Variants in DICER1 observed in about 807,000 individuals in gnomAD.
DICER1 encodes endoribonuclease Dicer.
Under a neutral mutation model 194.1 loss-of-function variants are expected in DICER1, and 43 were observed. That is an observed-to-expected ratio of 0.22 (90% CI 0.17 to 0.29). The LOEUF (loss-of-function observed/expected upper bound fraction) is 0.29. Ranked by LOEUF, DICER1 falls within the 10% of genes least tolerant of loss-of-function variation. The pLI is 1.00. For synonymous variants in DICER1, 832 were observed against 820.5 expected (o/e 1.01, Z -0.24); for missense variants, 1,608 against 2,317.0 (o/e 0.69, Z 6.28).
At chr14:95,132,982 G>A (rs1185701989) in intron 2 of DICER1, among the ~76,000 whole-genome samples, 2 of 151,952 alleles carry the variant, frequency 1.3e-5, no homozygotes, top group Non-Finnish European at 2.9e-5. Context: ...TAGAGTAATC[G>A]TGGTTCTGCC....
chr14:95,090,583 C>T lies in DICER1; in HGVS notation c.5684G>A (p.Arg1895Gln), dbSNP rs1889703495. Residue 1895 changes from arginine to glutamine, a missense_variant, in exon 27 of 27, where the codon CGA becomes CAA. Physicochemically the swap from Arg to Gln is conservative, Grantham distance 43 (BLOSUM62 1). This residue lies in a region of DICER1 where 138 missense variants were observed against 298.3 expected (regional missense o/e 0.46). Transcript: ENST00000343455. ...TGCAGATTTGGCAATCCTGTAACTTCGACCAACACCTTTAAATTTCCCCTT... is the reference window on the plus strand; with the variant it reads ...TGCAGATTTGGCAATCCTGTAACTTTGACCAACACCTTTAAATTTCCCCTT... ...VGKGKFKGVGRSYRIAKSAAA... is the reference protein window; with the variant it reads ...VGKGKFKGVGQSYRIAKSAAA... 1.2e-6 allele frequency: 2 copies of T among 1,614,184 alleles called. No individual in the cohort carries two copies. Among genetic ancestry groups the T allele is most frequent in the Non-Finnish European group, 8.5e-7 (1 of 1,180,034 alleles).
chr14:95,105,825 G>A lies in DICER1; in HGVS notation c.2988-42C>T, dbSNP rs745799073. ...ACAATTTTATCAAACACACAAAAAT[G>A]AGTACATATTCACAGTGGTTCTCCA... On this transcript the variant is annotated intron_variant, in intron 18 of 26. Transcript: ENST00000343455. This position sits in a 1 kb window ranked among gnomAD's most constrained non-coding sequence, Gnocchi z 4.9. 9 of 1,548,130 alleles carry A rather than the reference G, an allele frequency of 5.8e-6. No homozygotes were observed. Among genetic ancestry groups the A allele is most frequent in the African/African-American group, 2.7e-5 (2 of 73,188 alleles).
intron 21 of DICER1, among the ~76,000 whole-genome samples, chr14:95,102,768 G>A (rs917719462): frequency 1.2e-4 from 18 of 152,004 alleles, no homozygotes; most frequent in East Asian, 3.9e-4. Context: ...TTAAGAGCCC[G>A]CCCTTTCTCT....
intron 21 of DICER1, 78 bp downstream of exon 21, chr14:95,103,268 T>C: frequency 6.9e-7 from 1 of 1,445,590 alleles, no homozygotes; most frequent in African/African-American, 1.4e-5. Flanking sequence ...TCTCATCCTC[T>C]GAGATTATCC....
chr14:95,139,561 G>A (rs530758510), intron 1 of DICER1, among the ~76,000 whole-genome samples: 12 of 152,254 alleles, frequency 7.9e-5, no homozygotes, highest in African/African-American at 2.9e-4. Context: ...AGCTCCATAA[G>A]AACAAGACAT....
rs1893265087 is a variant in DICER1, at chr14:95,124,781, C to T, written c.904-113G>A. 2 of 911,440 alleles carry T rather than the reference C, an allele frequency of 2.2e-6. No individual in the cohort carries two copies. The highest frequency in any genetic ancestry group is 3.4e-6 in the Non-Finnish European group (2 of 582,258). 56.5% of individuals were successfully genotyped at this position (911,440 alleles called of 1,614,324 possible). A position where few individuals can be genotyped will look rare whatever the true frequency, so the allele number is the denominator to read the frequency against. ...CTCAAATGGCTCCTTAAATGTAACC[C>T]AGCCTTAGGTTAAGTCCCTGAAGGT... On this transcript the variant is annotated intron_variant, in intron 7 of 26. Coordinates refer to ENST00000343455, the MANE Select transcript of DICER1 (RefSeq NM_177438.3). The surrounding 1 kb of genome is among the most constrained non-coding windows in gnomAD (Gnocchi z 4.5).
intron 1 of DICER1, chr14:95,141,825 T>C (rs1362513386): frequency 6.6e-6 from 1 of 152,250 alleles, no homozygotes; most frequent in Non-Finnish European, 1.5e-5. Flanking sequence ...TTCTACTTTT[T>C]AAGATCCCTC....
In DICER1 at chr14:95,105,837, A is replaced by C; in HGVS notation, c.2988-54T>G. The C allele has an allele frequency of 6.6e-7, 1 of 1,525,628 alleles. No homozygotes were observed. Among genetic ancestry groups the C allele is most frequent in the Non-Finnish European group, 9.1e-7 (1 of 1,100,558 alleles). 94.5% of individuals were successfully genotyped at this position (1,525,628 alleles called of 1,614,324 possible). A position where few individuals can be genotyped will look rare whatever the true frequency, so the allele number is the denominator to read the frequency against. On this transcript the variant is annotated intron_variant, in intron 18 of 26. Coordinates refer to ENST00000343455, the MANE Select transcript of DICER1 (RefSeq NM_177438.3). This position sits in a 1 kb window ranked among gnomAD's most constrained non-coding sequence, Gnocchi z 4.9. ...AACACACAAAAATGAGTACATATTC[A>C]CAGTGGTTCTCCAAAAACCACCTGA... is the stretch of plus-strand genomic sequence containing the variant.
At position 95,094,180 on chromosome 14, in the gene DICER1, G is replaced by A. The variant is rs147293630; in HGVS notation, c.5096-24C>T. ...ATCTGAGGGGATCCGAAGTGGAACCGTAAGCTTGTGCAGAAGCATTTACAC... is the reference window on the plus strand; with the variant it reads ...ATCTGAGGGGATCCGAAGTGGAACCATAAGCTTGTGCAGAAGCATTTACAC... On this transcript the variant is annotated intron_variant, in intron 23 of 26. Coordinates refer to ENST00000343455, the MANE Select transcript of DICER1 (RefSeq NM_177438.3). 273 of 1,613,606 alleles carry A rather than the reference G, an allele frequency of 1.7e-4. No individual in the cohort carries two copies. In the East Asian group the frequency reaches 2.0e-3, roughly 12 times the overall value.
intron 23 of DICER1, chr14:95,095,240 C>G (rs1174404199): frequency 6.5e-6 from 1 of 154,182 alleles, no homozygotes; most frequent in Non-Finnish European, 1.4e-5. Flanking sequence ...GGGGCTTGTT[C>G]TCCCTTCTAA....
chr14:95,145,919 C>T (rs1480126971), intron 1 of DICER1, among the ~76,000 whole-genome samples: 3 of 152,104 alleles, frequency 2.0e-5, no homozygotes, highest in African/African-American at 7.2e-5. Flanking sequence ...AGAAACGCTC[C>T]CTTCATCATT....
Position 95,108,411 on chromosome 14 carries a change from A to G in DICER1, c.2349T>C (p.Asp783=), listed in dbSNP as rs764003983. ...GCTTCCGCCTTCTAAAGTTGAGTTC[A>G]TCAGGTAAAGGTGTAGTTAAAACCA... The part of the protein sequence containing the change: ...IGMVLTTPLP[D]ELNFRRRKLY... Residue 783 remains aspartate, a synonymous_variant, in exon 15 of 27, where the codon GAT becomes GAC. Transcript: ENST00000343455. 4.0e-5 allele frequency: 65 copies of G among 1,614,030 alleles called. No homozygotes were observed. Among genetic ancestry groups the G allele is most frequent in the Non-Finnish European group, 5.3e-5 (62 of 1,180,012 alleles).
intron 11 of DICER1, among the ~76,000 whole-genome samples, chr14:95,114,058 A>C (rs1035649472): frequency 6.6e-6 from 1 of 152,260 alleles, no homozygotes; most frequent in African/African-American, 2.4e-5. Context: ...ATAGACACTG[A>C]AACAAATACA....
At chr14:95,156,778 G>C (rs1291358731) in intron 1 of DICER1, among the ~76,000 whole-genome samples, 1 of 152,116 alleles carries the variant, frequency 6.6e-6, no homozygotes, top group African/African-American at 2.4e-5. Context: ...CGTCCCCTCC[G>C]GGCGCGGCAC....
intron 23 of DICER1, among the ~76,000 whole-genome samples, chr14:95,094,635 A>T (rs1016161774): frequency 3.9e-5 from 6 of 152,152 alleles, no homozygotes; most frequent in African/African-American, 1.4e-4. Context: ...ACCATTCCTC[A>T]CTATTCCTGG....
intron 8 of DICER1, among the ~76,000 whole-genome samples, chr14:95,122,426 G>T (rs1893013908): frequency 1.3e-5 from 2 of 152,020 alleles, no homozygotes; most frequent in Admixed American, 1.3e-4. Flanking sequence ...AAACTTTTTT[G>T]ACTCCCAAAA....
chr14:95,154,238 G>A (rs1431292910), intron 1 of DICER1, among the ~76,000 whole-genome samples: 1 of 152,186 alleles, frequency 6.6e-6, no homozygotes, highest in Non-Finnish European at 1.5e-5. Flanking sequence ...TGACAGAGGA[G>A]TTGTTTGTAG....
chr14:95,092,478 A>G (rs1301245223), intron 24 of DICER1, among the ~76,000 whole-genome samples: 1 of 152,242 alleles, frequency 6.6e-6, no homozygotes, highest in Non-Finnish European at 1.5e-5. Flanking sequence ...ACAAAGTTAC[A>G]TATAATACAT....
At chr14:95,153,805 T>A (rs1362086957) in intron 1 of DICER1, among the ~76,000 whole-genome samples, 1 of 152,230 alleles carries the variant, frequency 6.6e-6, no homozygotes. Context: ...TACTAGAGTC[T>A]TAGCAGAAAT....
Sources: gnomAD v4.1 joint callset for allele counts (sites outside exome capture counted in the v4.1 genomes callset) on GRCh38, gnomAD v4.1.1 for gene constraint, gnomAD v4.1.1 regional missense constraint, Gnocchi (gnomAD v3.1) non-coding constraint, MANE v1.5 for transcripts, NCBI Gene and HGNC (gene_info 2026-07-23, HGNC 2026-07-21) for gene names.